The following MED13L variants were observed in gnomAD, a reference collection of about 807,000 sequenced individuals.
MED13L encodes mediator of RNA polymerase II transcription subunit 13-like.
Under a neutral mutation model 220.9 loss-of-function variants are expected in MED13L, and 7 were observed. The ratio of observed to expected loss-of-function variants is 0.03; its 90% CI spans 0.02 to 0.06. The LOEUF (loss-of-function observed/expected upper bound fraction) is 0.06. MED13L is among the 10% of genes least tolerant of loss of function. The pLI is 1.00. For synonymous variants in MED13L, 1,011 were observed against 1,015.2 expected (o/e 1.00, Z 0.08); for missense variants, 1,965 against 2,760.5 (o/e 0.71, Z 6.46).
intron 1 of MED13L, among the ~76,000 whole-genome samples, chr12:116,243,124 G>C (rs1013126462): frequency 2.6e-5 from 4 of 152,038 alleles, no homozygotes; most frequent in Non-Finnish European, 5.9e-5. Context: ...ACTATAAGAT[G>C]GTATCTACAT....
intron 2 of MED13L, among the ~76,000 whole-genome samples, chr12:116,177,743 A>G (rs1593132928): frequency 6.6e-6 from 1 of 152,256 alleles, no homozygotes; most frequent in East Asian, 1.9e-4. Flanking sequence ...GAAAAAGGTA[A>G]CACATTAAAA....
intron 27 of MED13L, 25 bp downstream of exon 27, chr12:115,970,569 C>A (rs773489202): frequency 6.2e-7 from 1 of 1,610,310 alleles, no homozygotes; most frequent in Non-Finnish European, 8.5e-7. Flanking sequence ...AAGGTGAGCA[C>A]TATCCATACA....
intron 2 of MED13L, among the ~76,000 whole-genome samples, chr12:116,189,474 G>A (rs1002172728): frequency 6.6e-6 from 1 of 151,714 alleles, no homozygotes; most frequent in Non-Finnish European, 1.5e-5. Context: ...CTCCCACAGG[G>A]GTTTCTTGCA....
At chr12:116,217,334 T>A (rs1883063198) in intron 2 of MED13L, among the ~76,000 whole-genome samples, 2 of 152,222 alleles carry the variant, frequency 1.3e-5, no homozygotes, top group Non-Finnish European at 2.9e-5. Flanking sequence ...AAACTTAATC[T>A]TGGGAAGCTG....
intron 4 of MED13L, among the ~76,000 whole-genome samples, chr12:116,083,689 A>T (rs1261814974): frequency 6.6e-6 from 1 of 152,154 alleles, no homozygotes; most frequent in Non-Finnish European, 1.5e-5. Flanking sequence ...GCACGTACAA[A>T]AAGTCATAAT....
At chr12:115,976,313 A>T (rs1354529814) in intron 23 of MED13L, among the ~76,000 whole-genome samples, 1 of 152,250 alleles carries the variant, frequency 6.6e-6, no homozygotes, top group Non-Finnish European at 1.5e-5. Flanking sequence ...AGTTAACAGA[A>T]TCAGAATATT....
intron 2 of MED13L, among the ~76,000 whole-genome samples, chr12:116,182,197 C>T (rs768574725): frequency 9.2e-5 from 14 of 152,176 alleles, no homozygotes; most frequent in Non-Finnish European, 1.8e-4. Flanking sequence ...TGAACCTGTG[C>T]TGTTGAATAT....
intron 20 of MED13L, 39 bp from the exon 21 acceptor site, chr12:115,983,579 T>C (rs1054349014): frequency 3.1e-6 from 5 of 1,607,810 alleles, no homozygotes; most frequent in African/African-American, 1.3e-5. Context: ...TTAGTGATAT[T>C]CTGCAGTGTC....
intron 4 of MED13L, among the ~76,000 whole-genome samples, chr12:116,075,438 C>G (rs1870704031): frequency 6.6e-6 from 1 of 152,194 alleles, no homozygotes; most frequent in Non-Finnish European, 1.5e-5. Flanking sequence ...CTTTCTAGAT[C>G]TGTGTAATAT....
At chr12:116,228,971 C>T (rs559882819) in intron 2 of MED13L, among the ~76,000 whole-genome samples, 2 of 152,136 alleles carry the variant, frequency 1.3e-5, no homozygotes, top group South Asian at 2.1e-4. Context: ...GAGATGGTAT[C>T]GCACTATGTT....
intron 2 of MED13L, among the ~76,000 whole-genome samples, chr12:116,160,981 G>A (rs1317353995): frequency 6.6e-6 from 1 of 152,092 alleles, no homozygotes. Flanking sequence ...GGTAATTTAT[G>A]AAGAAAATAA....
chr12:115,997,912 A>C (rs535096978), intron 14 of MED13L, among the ~76,000 whole-genome samples: 6 of 152,344 alleles, frequency 3.9e-5, no homozygotes, highest in East Asian at 3.9e-4. Flanking sequence ...CCCTGCTTTC[A>C]AGTATGTATA....
chr12:116,179,847 T>C (rs947789261), intron 2 of MED13L, among the ~76,000 whole-genome samples: 7 of 152,104 alleles, frequency 4.6e-5, no homozygotes, highest in African/African-American at 1.7e-4. Context: ...TAATTAGTAG[T>C]TGTTTGCCCA....
At chr12:116,106,179 T>C (rs1186692997) in intron 3 of MED13L, among the ~76,000 whole-genome samples, 2 of 152,224 alleles carry the variant, frequency 1.3e-5, no homozygotes, top group Non-Finnish European at 2.9e-5. Flanking sequence ...TAACTGAGCC[T>C]AACCTGACTG....
In MED13L at chr12:115,960,993, T is replaced by C. The variant is rs949654315; in HGVS notation, c.*273A>G. On this transcript the variant is annotated 3_prime_UTR_variant, in exon 31 of 31. Transcript: ENST00000281928. ...AAAGCCATCAACCACCACCACTTCC[T>C]GGGGACCAGTGGTTGGGGCTACACA... The C allele has an allele frequency of 4.5e-5, 21 of 463,304 alleles. No homozygotes were observed. The highest frequency in any genetic ancestry group is 4.0e-4 in the African/African-American group (20 of 50,544). 28.7% of individuals were successfully genotyped at this position (463,304 alleles called of 1,614,324 possible).
intron 4 of MED13L, among the ~76,000 whole-genome samples, chr12:116,074,192 C>T (rs1870602532): frequency 6.6e-6 from 1 of 152,164 alleles, no homozygotes; most frequent in Non-Finnish European, 1.5e-5. Context: ...CTCAGGAGTT[C>T]GACACCAACC....
At chr12:116,069,779 C>A (rs879413354) in intron 4 of MED13L, among the ~76,000 whole-genome samples, 2 of 152,042 alleles carry the variant, frequency 1.3e-5, no homozygotes, top group African/African-American at 2.4e-5. Flanking sequence ...CCAAAACAGT[C>A]GAAACTGTTT....
chr12:116,176,201 C>T (rs1880049928), intron 2 of MED13L, among the ~76,000 whole-genome samples: 1 of 152,130 alleles, frequency 6.6e-6, no homozygotes, highest in African/African-American at 2.4e-5. Flanking sequence ...TGGACAAGTT[C>T]CTTAAGCTTC....
At chr12:116,085,750 T>TCACACACACA (rs201331780) in intron 4 of MED13L, among the ~76,000 whole-genome samples, 14 of 100,140 alleles carry the variant, frequency 1.4e-4, no homozygotes, top group Admixed American at 3.4e-4. Context: ...AAGATTAAAA[T>TCACACACACA]CACTCACACA....
Sources: allele counts gnomAD v4.1 joint callset (sites outside exome capture counted in the v4.1 genomes callset), GRCh38; gene constraint gnomAD v4.1.1; transcripts MANE v1.5; gene names NCBI Gene and HGNC (gene_info 2026-07-23, HGNC 2026-07-21).